Variants in SCP2 observed in about 807,000 individuals in gnomAD.
SCP2 encodes SCP-2/3-oxoacyl-CoA thiolase.
In SCP2, 48 loss-of-function variants were observed where a neutral mutation model predicts 71.4. That is an observed-to-expected ratio of 0.67 (90% CI 0.53 to 0.86). The LOEUF (loss-of-function observed/expected upper bound fraction) is 0.86, where lower values mean the gene tolerates loss of function less well. Among genes scored for constraint, SCP2 ranks in the 40% least tolerant of loss-of-function variants. SCP2 has a pLI of 0.00. For synonymous variants in SCP2, 220 were observed against 218.1 expected, an observed-to-expected ratio of 1.01 and a Z score of -0.08; for missense variants, 560 against 655.6, an observed-to-expected ratio of 0.85 and a Z score of 1.59.
At chr1:52,935,443 A>T (rs1653634121) in intron 1 of SCP2, among the ~76,000 whole-genome samples, 1 of 151,428 alleles carries the variant, frequency 6.6e-6, no homozygotes, top group Admixed American at 6.6e-5. Flanking sequence ...TACAAAAATT[A>T]GCCAGGCGTG....
chr1:53,038,018 C>G (rs1292634813), intron 13 of SCP2, among the ~76,000 whole-genome samples: 2 of 136,720 alleles, frequency 1.5e-5, no homozygotes, highest in Non-Finnish European at 3.0e-5. Flanking sequence ...GTGGCACATG[C>G]TTGTAGTCCC....
At chr1:53,045,845 G>A (rs947393390) in intron 14 of SCP2, among the ~76,000 whole-genome samples, 1 of 152,108 alleles carries the variant, frequency 6.6e-6, no homozygotes, top group Non-Finnish European at 1.5e-5. Context: ...GTGTCCTCAT[G>A]TCCCTCTATA....
At chr1:53,035,845 C>T (rs1385530832) in intron 13 of SCP2, among the ~76,000 whole-genome samples, 3 of 151,686 alleles carry the variant, frequency 2.0e-5, no homozygotes, top group African/African-American at 7.3e-5. Flanking sequence ...ATAAGATAAC[C>T]GAGATTCATA....
chr1:52,971,131 A>G (rs12089675), intron 6 of SCP2, among the ~76,000 whole-genome samples: 2,569 of 151,648 alleles, frequency 0.017, 45 homozygotes, highest in African/African-American at 0.057. Context: ...GCCCGCCACC[A>G]CGCCTGGCTA....
At chr1:52,974,630 C>T in intron 6 of SCP2, 139 bp from the exon 7 acceptor site, 1 of 701,520 alleles carries the variant, frequency 1.4e-6, no homozygotes, top group Non-Finnish European at 2.7e-6. Context: ...GGGAACAGTG[C>T]TGAAGTCTTT....
chr1:52,971,736 T>G (rs1265813332), intron 6 of SCP2, among the ~76,000 whole-genome samples: 1 of 152,216 alleles, frequency 6.6e-6, no homozygotes, highest in Admixed American at 6.5e-5. Context: ...TTGGCCTCTT[T>G]GAGCACACAT....
intron 11 of SCP2, among the ~76,000 whole-genome samples, chr1:53,008,580 C>G (rs988900188): frequency 6.6e-6 from 1 of 152,106 alleles, no homozygotes; most frequent in African/African-American, 2.4e-5. Flanking sequence ...AATTCAACAG[C>G]CCATCATGCT....
rs1283281962 is a variant in SCP2, at chr1:52,948,094, T to G, written c.199+14T>G. 2 of 1,569,222 alleles carry G rather than the reference T, an allele frequency of 1.3e-6. No homozygotes were observed. The highest frequency in any genetic ancestry group is 1.8e-6 in the Non-Finnish European group (2 of 1,139,604). On this transcript the variant is annotated intron_variant, in intron 3 of 15. Transcript: ENST00000371514. ...GCTATGTTTTTGGTATGTATTAAACTGTGTATTCTAAAATTTTTTTACCTA... is the reference window on the plus strand; with the variant it reads ...GCTATGTTTTTGGTATGTATTAAACGGTGTATTCTAAAATTTTTTTACCTA...
chr1:52,994,714 TA>T, intron 11 of SCP2: 1 of 709,430 alleles, frequency 1.4e-6, no homozygotes, highest in Non-Finnish European at 2.3e-6. Flanking sequence ...AAAATTAAAA[TA>T]AATTTTAACC....
At chr1:53,041,884 A>C (rs2150268378) in intron 14 of SCP2, among the ~76,000 whole-genome samples, 1 of 152,282 alleles carries the variant, frequency 6.6e-6, no homozygotes, top group South Asian at 2.1e-4. Flanking sequence ...TTTCTCTGCA[A>C]GGGTAGTTAA....
intron 2 of SCP2, among the ~76,000 whole-genome samples, chr1:52,947,466 C>T (rs1654915793): frequency 1.3e-5 from 2 of 151,958 alleles, no homozygotes; most frequent in African/African-American, 4.8e-5. Context: ...GTCCTCTTTC[C>T]AGTTTACTTA....
At position 52,961,648 on chromosome 1, in the gene SCP2, A is replaced by C; in HGVS notation, c.523+19A>C. Reference sequence around the variant, plus strand: ...AAATATGGTATGTTACAGTTAAAAAACTTTGAGGCTTCTTACTAGTTATAT... The same window carrying C: ...AAATATGGTATGTTACAGTTAAAAACCTTTGAGGCTTCTTACTAGTTATAT... On this transcript the variant is annotated intron_variant, in intron 6 of 15. Coordinates refer to ENST00000371514, the MANE Select transcript of SCP2 (RefSeq NM_002979.5). 1 of 1,609,806 alleles carries C rather than the reference A, an allele frequency of 6.2e-7. No individual in the cohort carries two copies. Among genetic ancestry groups the C allele is most frequent in the Non-Finnish European group, 8.5e-7 (1 of 1,176,366 alleles).
chr1:52,954,218 G>C (rs927789995), intron 4 of SCP2, among the ~76,000 whole-genome samples: 1 of 151,196 alleles, frequency 6.6e-6, no homozygotes, highest in Non-Finnish European at 1.5e-5. Context: ...GAGAGCTGAG[G>C]TGGGAGGATC....
intron 15 of SCP2, chr1:53,049,765 G>A (rs1483744572): frequency 6.6e-6 from 1 of 152,116 alleles, no homozygotes; most frequent in Non-Finnish European, 1.5e-5. Flanking sequence ...GGAAAAAAAG[G>A]AATTAGTCAC....
intron 11 of SCP2, among the ~76,000 whole-genome samples, chr1:52,998,953 C>A (rs531513235): frequency 9.2e-5 from 14 of 152,274 alleles, no homozygotes; most frequent in Admixed American, 8.5e-4. Flanking sequence ...AAGAGAGACT[C>A]GCATTCAAAG....
intron 6 of SCP2, among the ~76,000 whole-genome samples, chr1:52,971,898 G>C (rs1442000445): frequency 6.6e-6 from 1 of 152,196 alleles, no homozygotes; most frequent in Non-Finnish European, 1.5e-5. Context: ...TTTATGACTG[G>C]CTTTGGGGAA....
chr1:53,050,316 T>C (rs1313808919), intron 15 of SCP2: 5 of 295,990 alleles, frequency 1.7e-5, no homozygotes, highest in Non-Finnish European at 3.2e-5. Flanking sequence ...TTTTAAAACA[T>C]AATCAGTGTA....
chr1:52,939,381 C>CA (rs1459181591), intron 1 of SCP2, among the ~76,000 whole-genome samples: 1 of 151,646 alleles, frequency 6.6e-6, no homozygotes, highest in Non-Finnish European at 1.5e-5. Flanking sequence ...TCCATCTCTA[C>CA]AAAAAAACTT....
intron 11 of SCP2, chr1:52,994,142 A>T: frequency 9.5e-7 from 1 of 1,054,774 alleles, no homozygotes; most frequent in Non-Finnish European, 1.1e-6. Flanking sequence ...TCCTCAAAAG[A>T]ATTAGATCAT....
Sources: allele counts gnomAD v4.1 joint callset (sites outside exome capture counted in the v4.1 genomes callset), GRCh38; gene constraint gnomAD v4.1.1; transcripts MANE v1.5; gene names NCBI Gene and HGNC (gene_info 2026-07-23, HGNC 2026-07-21).